Variants in FOXO3 observed in about 807,000 individuals in gnomAD.
The protein encoded by FOXO3 is forkhead box O3.
Under a neutral mutation model 41.9 loss-of-function variants are expected in FOXO3, and 4 were observed. The ratio of observed to expected loss-of-function variants is 0.10; its 90% confidence interval spans 0.05 to 0.22. FOXO3 has a LOEUF of 0.22. FOXO3 is among the 10% of genes least tolerant of loss of function. FOXO3 has a pLI of 1.00. For missense variants in FOXO3, 534 were observed against 906.8 expected (o/e 0.59, Z 5.28); for synonymous variants, 318 against 389.3 (o/e 0.82, Z 2.16).
At chr6:108,650,759 A>G (rs1194343197) in intron 1 of FOXO3, among the ~76,000 whole-genome samples, 1 of 152,170 alleles carries the variant, frequency 6.6e-6, no homozygotes, top group Non-Finnish European at 1.5e-5. Flanking sequence ...GGCTCAGTGA[A>G]TGTTTTTTCA....
At position 108,589,272 on chromosome 6, in the gene FOXO3, G is replaced by A. The variant is rs1257728245; in HGVS notation, c.621+27443G>A. 4.6e-5 allele frequency among the ~76,000 whole-genome samples: 7 copies of A among 152,278 alleles called. No homozygotes were observed. The South Asian group carries it at 8.3e-4, about 18-fold the overall frequency. ...TTATAATTTTTCCTGGGCACACGCA[G>A]CCCACATTTTGGAGCTCTGTGACAT... On this transcript the variant is annotated intron_variant, in intron 1 of 2. Transcript: ENST00000406360.
intron 1 of FOXO3, among the ~76,000 whole-genome samples, chr6:108,589,098 T>C (rs1368247832): frequency 6.6e-6 from 1 of 152,222 alleles, no homozygotes; most frequent in African/African-American, 2.4e-5. Context: ...AGGAGGAGAA[T>C]GGAGGCTGTC....
At chr6:108,593,743 G>C (rs369059651) in intron 1 of FOXO3, among the ~76,000 whole-genome samples, 40 of 93,992 alleles carry the variant, frequency 4.3e-4, no homozygotes, top group African/African-American at 1.7e-3. Flanking sequence ...TTGAGATGTA[G>C]TCTCGCCCTG....
At chr6:108,645,724 G>T (rs1778377107) in intron 1 of FOXO3, among the ~76,000 whole-genome samples, 1 of 152,110 alleles carries the variant, frequency 6.6e-6, no homozygotes, top group African/African-American at 2.4e-5. Flanking sequence ...ATCAGGGTAG[G>T]TATAGAATAT....
At chr6:108,568,549 G>A (rs1440513361) in intron 1 of FOXO3, among the ~76,000 whole-genome samples, 1 of 152,134 alleles carries the variant, frequency 6.6e-6, no homozygotes, top group Non-Finnish European at 1.5e-5. Context: ...CAGTATAAGA[G>A]GCTTTAAATT....
chr6:108,593,950 C>T (rs1181909327), intron 1 of FOXO3, among the ~76,000 whole-genome samples: 1 of 151,846 alleles, frequency 6.6e-6, no homozygotes, highest in African/African-American at 2.4e-5. Flanking sequence ...AACGCCTGAC[C>T]TCAGGTGATC....
chr6:108,572,022 C>G (rs1305866239), intron 1 of FOXO3, among the ~76,000 whole-genome samples: 1 of 152,170 alleles, frequency 6.6e-6, no homozygotes, highest in African/African-American at 2.4e-5. Flanking sequence ...GTTAGAGCTA[C>G]TAGAACATGT....
intron 1 of FOXO3, among the ~76,000 whole-genome samples, chr6:108,567,722 C>G (rs773905669): frequency 1.3e-5 from 2 of 151,968 alleles, no homozygotes; most frequent in Admixed American, 1.3e-4. Flanking sequence ...CCAGCCTGGG[C>G]AACAAAGTGA....
rs1471935549 is a variant in FOXO3 at position 108,663,879 on chromosome 6, G to A, written c.1046G>A (p.Ser349Asn). 1.9e-6 allele frequency: 3 copies of A among 1,614,072 alleles called. No homozygotes were observed. The highest frequency in any genetic ancestry group is 2.5e-6 in the Non-Finnish European group (3 of 1,180,014). ...GCGCCTCTCTCGCCCATGCTCTACA[G>A]CAGCTCAGCCAGCCTGTCACCTTCA... ...DDAPLSPMLY[S>N]SSASLSPSVS... Residue 349 changes from serine to asparagine, a missense_variant, in exon 2 of 3, where the codon AGC becomes AAC. This residue lies in a region of FOXO3 where 185 missense variants were observed against 224.9 expected (regional missense o/e 0.82). Coordinates refer to ENST00000406360, the MANE Select transcript of FOXO3 (RefSeq NM_001455.4).
At chr6:108,669,663 G>T (rs115145527) in intron 2 of FOXO3, among the ~76,000 whole-genome samples, 2 of 152,168 alleles carry the variant, frequency 1.3e-5, no homozygotes, top group African/African-American at 4.8e-5. Context: ...CGATGAGCGC[G>T]AGAGAAAATT....
chr6:108,664,940 G>GA (rs1779005337), intron 2 of FOXO3, 51 bp downstream of exon 2: 1 of 1,456,086 alleles, frequency 6.9e-7, no homozygotes. Context: ...GATGAGGGGG[G>GA]ATCTCTGGGG....
chr6:108,663,878 A>T lies in FOXO3; in HGVS notation c.1045A>T (p.Ser349Cys). The T allele has an allele frequency of 6.2e-7, 1 of 1,614,180 alleles. No individual in the cohort carries two copies. The highest frequency in any genetic ancestry group is 1.3e-5 in the African/African-American group (1 of 75,062). The change falls in exon 2 of 3, where the codon AGC becomes TGC. Residue 349 changes from serine (S) to cysteine (C), a missense_variant. By Grantham distance (112) the Ser-to-Cys change is moderately radical. Transcript: ENST00000406360. ...TGCGCCTCTCTCGCCCATGCTCTAC[A>T]GCAGCTCAGCCAGCCTGTCACCTTC... ...DDAPLSPMLYSSSASLSPSVS... is the reference protein window; with the variant it reads ...DDAPLSPMLYCSSASLSPSVS...
intron 1 of FOXO3, among the ~76,000 whole-genome samples, chr6:108,567,989 A>T (rs1433690490): frequency 6.6e-6 from 1 of 152,142 alleles, no homozygotes. Context: ...CGGAGGTTGC[A>T]GTGAGCCAAG....
At chr6:108,599,157 C>A (rs1776975222) in intron 1 of FOXO3, among the ~76,000 whole-genome samples, 1 of 152,016 alleles carries the variant, frequency 6.6e-6, no homozygotes, top group African/African-American at 2.4e-5. Flanking sequence ...GTTATTATTC[C>A]TGTTAATAAG....
rs117320911 is a variant in FOXO3 at position 108,601,706 on chromosome 6, T to A, written c.621+39877T>A. 8.9e-4 allele frequency among the ~76,000 whole-genome samples: 135 copies of A among 152,370 alleles called. No individual in the cohort carries two copies. In the East Asian group the frequency reaches 0.023, roughly 26 times the overall value. On this transcript the variant is annotated intron_variant, in intron 1 of 2. Coordinates refer to ENST00000406360, the MANE Select transcript of FOXO3 (RefSeq NM_001455.4). ...CTCTTCATTTTTATAATTTTGTCAT[T>A]TCAAGAATGTTACATAAGTGATCAT...
At chr6:108,643,176 A>G (rs930403208) in intron 1 of FOXO3, among the ~76,000 whole-genome samples, 3 of 152,200 alleles carry the variant, frequency 2.0e-5, no homozygotes, top group Admixed American at 1.3e-4. Flanking sequence ...GTGCTGTTCT[A>G]CAGAGGGTGA....
intron 1 of FOXO3, among the ~76,000 whole-genome samples, chr6:108,576,579 A>T (rs1776267213): frequency 6.6e-6 from 1 of 152,224 alleles, no homozygotes; most frequent in South Asian, 2.1e-4. Context: ...TAATGTTTCA[A>T]TCAAAAATTA....
chr6:108,669,650 T>G (rs527247258), intron 2 of FOXO3, among the ~76,000 whole-genome samples: 1 of 152,320 alleles, frequency 6.6e-6, no homozygotes, highest in African/African-American at 2.4e-5. Flanking sequence ...ATCTTTTTAG[T>G]GTCGATGAGC....
In FOXO3 at chr6:108,631,885, G is replaced by T. The variant is rs541430039; in HGVS notation, c.622-31570G>T. Among the ~76,000 whole-genome samples the T allele has an allele frequency of 1.2e-4, 18 of 152,146 alleles. 1 individual carries two copies. Among genetic ancestry groups the T allele is most frequent in the Non-Finnish European group, 2.2e-4 (15 of 67,998 alleles). ...TTGGATATTATGTCTCTTAATCAAG[G>T]GCCATTCCCTGCTCCACCCCTCCCC... On this transcript the variant is annotated intron_variant, in intron 1 of 2. Coordinates refer to ENST00000406360, the MANE Select transcript of FOXO3 (RefSeq NM_001455.4).
Sources: gnomAD v4.1 joint callset for allele counts (sites outside exome capture counted in the v4.1 genomes callset) on GRCh38, gnomAD v4.1.1 for gene constraint, gnomAD v4.1.1 regional missense constraint, MANE v1.5 for transcripts, NCBI Gene and HGNC (gene_info 2026-07-23, HGNC 2026-07-21) for gene names.